The following TCAIM variants were observed in gnomAD, a reference collection of about 807,000 sequenced individuals.
TCAIM encodes the protein T cell activation inhibitor, mitochondrial, also known as T-cell activation inhibitor, mitochondrial.
A neutral mutation model predicts 58.6 loss-of-function variants in TCAIM; 36 were observed. The observed-to-expected ratio is 0.61, with a 90% confidence interval of 0.47 to 0.81. TCAIM has a LOEUF of 0.81. Ranked by LOEUF, TCAIM falls within the 30% of genes least tolerant of loss-of-function variation. The pLI is 0.00. For synonymous variants in TCAIM, 172 were observed against 193.6 expected, an observed-to-expected ratio of 0.89 and a Z score of 0.93; for missense variants, 466 against 579.6, an observed-to-expected ratio of 0.80 and a Z score of 2.01.
intron 2 of TCAIM, among the ~76,000 whole-genome samples, chr3:44,356,459 A>G (rs976527374): frequency 3.3e-5 from 5 of 152,068 alleles, no homozygotes. Flanking sequence ...CCCAGGGTAC[A>G]GAGGTTGAGC....
At chr3:44,392,748 C>G (rs1452086865) in intron 5 of TCAIM, 107 bp from the exon 6 acceptor site, 4 of 1,087,590 alleles carry the variant, frequency 3.7e-6, no homozygotes, top group Non-Finnish European at 2.6e-6. Flanking sequence ...TAGGTTGATT[C>G]CAAGTCTTTG....
intron 5 of TCAIM, among the ~76,000 whole-genome samples, chr3:44,390,731 C>T (rs1701820708): frequency 6.6e-6 from 1 of 151,766 alleles, no homozygotes; most frequent in Admixed American, 6.6e-5. Flanking sequence ...AGCATTTTGG[C>T]AGGTCGAGGC....
intron 1 of TCAIM, among the ~76,000 whole-genome samples, chr3:44,353,709 T>C (rs1211464990): frequency 1.3e-5 from 2 of 152,266 alleles, no homozygotes; most frequent in Non-Finnish European, 2.9e-5. Flanking sequence ...TATGCTCATT[T>C]GCCATCTGTA....
chr3:44,344,545 GC>G (rs113780471), intron 1 of TCAIM, among the ~76,000 whole-genome samples: 1,541 of 152,240 alleles, frequency 0.01, 23 homozygotes, highest in African/African-American at 0.035. Context: ...ATGGTAGGGG[GC>G]AAGATAGCCC....
At chr3:44,377,106 A>G (rs980636854) in intron 5 of TCAIM, among the ~76,000 whole-genome samples, 9 of 152,202 alleles carry the variant, frequency 5.9e-5, no homozygotes, top group African/African-American at 1.4e-4. Context: ...AAATAAATAA[A>G]TAATAAAACA....
intron 5 of TCAIM, among the ~76,000 whole-genome samples, chr3:44,374,271 G>A (rs1440383357): frequency 7.1e-6 from 1 of 141,358 alleles, no homozygotes. Context: ...TAGCAAAGTT[G>A]TTTTGCTTTG....
chr3:44,400,753 C>A, intron 9 of TCAIM, 166 bp downstream of exon 9: 1 of 637,436 alleles, frequency 1.6e-6, no homozygotes, highest in Non-Finnish European at 2.7e-6. Flanking sequence ...GAAAAGCCAG[C>A]ATGGGAGGAT....
intron 5 of TCAIM, among the ~76,000 whole-genome samples, chr3:44,371,678 G>C (rs1213612456): frequency 6.6e-6 from 1 of 152,092 alleles, no homozygotes; most frequent in East Asian, 1.9e-4. Context: ...CCCAATTCTA[G>C]CATGTTCACA....
chr3:44,378,493 C>T (rs1370370121), intron 5 of TCAIM, among the ~76,000 whole-genome samples: 2 of 151,408 alleles, frequency 1.3e-5, no homozygotes, highest in East Asian at 2.0e-4. Context: ...AGCCAACAGG[C>T]GTATGAAAAA....
intron 2 of TCAIM, 26 bp from the exon 3 acceptor site, chr3:44,357,715 A>G (rs773214282): frequency 1.9e-6 from 3 of 1,612,188 alleles, no homozygotes; most frequent in Non-Finnish European, 2.5e-6. Flanking sequence ...GCCTCAATGA[A>G]TAACCAGTCC....
intron 10 of TCAIM, among the ~76,000 whole-genome samples, chr3:44,403,628 T>C (rs1235821438): frequency 6.6e-6 from 1 of 152,186 alleles, no homozygotes; most frequent in Non-Finnish European, 1.5e-5. Context: ...TTTGGAGTAA[T>C]GCTTATTAGA....
At chr3:44,378,166 A>C (rs964482836) in intron 5 of TCAIM, among the ~76,000 whole-genome samples, 2 of 151,342 alleles carry the variant, frequency 1.3e-5, no homozygotes, top group Non-Finnish European at 2.9e-5. Flanking sequence ...GGATCATCTG[A>C]GGTCCAGAGT....
chr3:44,373,884 T>C (rs1701522302), intron 5 of TCAIM, among the ~76,000 whole-genome samples: 1 of 152,212 alleles, frequency 6.6e-6, no homozygotes, highest in African/African-American at 2.4e-5. Flanking sequence ...AGATCCATTT[T>C]ATATAAGCAA....
At chr3:44,383,501 C>T (rs1372907942) in intron 5 of TCAIM, among the ~76,000 whole-genome samples, 7 of 152,058 alleles carry the variant, frequency 4.6e-5, no homozygotes, top group Non-Finnish European at 1.0e-4. Context: ...TAGTCAAATT[C>T]ATAGAGACAG....
At chr3:44,386,531 G>A (rs1701745606) in intron 5 of TCAIM, among the ~76,000 whole-genome samples, 1 of 152,232 alleles carries the variant, frequency 6.6e-6, no homozygotes, top group Non-Finnish European at 1.5e-5. Flanking sequence ...TCTGGACTGG[G>A]ACATCTCTGG....
intron 5 of TCAIM, among the ~76,000 whole-genome samples, chr3:44,381,032 C>T (rs1479296358): frequency 6.6e-6 from 1 of 152,088 alleles, no homozygotes; most frequent in East Asian, 1.9e-4. Flanking sequence ...GCTTCACTGG[C>T]AAATTCTACC....
chr3:44,344,971 A>G (rs1700935288), intron 1 of TCAIM, among the ~76,000 whole-genome samples: 1 of 152,134 alleles, frequency 6.6e-6, no homozygotes, highest in Non-Finnish European at 1.5e-5. Context: ...GTGATTCTTC[A>G]GTTACTTCAG....
chr3:44,347,238 T>TGGA (rs1205906693), intron 1 of TCAIM, among the ~76,000 whole-genome samples: 2 of 152,154 alleles, frequency 1.3e-5, no homozygotes, highest in Admixed American at 6.5e-5. Context: ...TAACAGATGT[T>TGGA]GGAGGAGCAG....
intron 5 of TCAIM, among the ~76,000 whole-genome samples, chr3:44,376,674 G>T (rs974789684): frequency 1.1e-4 from 16 of 152,076 alleles, no homozygotes; most frequent in Admixed American, 3.3e-4. Flanking sequence ...ACAAAAAAGC[G>T]GTAAGACACA....
Sources: gnomAD v4.1 joint callset for allele counts (sites outside exome capture counted in the v4.1 genomes callset) on GRCh38, gnomAD v4.1.1 for gene constraint, MANE v1.5 for transcripts, NCBI Gene and HGNC (gene_info 2026-07-23, HGNC 2026-07-21) for gene names.